The following SPMIP3 variants were observed in gnomAD, a reference collection of about 807,000 sequenced individuals.
SPMIP3 encodes protein SPMIP3.
At chr1:244,378,489 C>A in the SPMIP3 span, 3 of 1,613,326 alleles carry the variant, frequency 1.9e-6, no homozygotes, top group South Asian at 3.3e-5. Flanking sequence ...CTTGACAATT[C>A]CACCCAAGAC....
At chr1:244,366,706 C>G in the SPMIP3 span, among the ~76,000 whole-genome samples, 2 of 152,014 alleles carry the variant, frequency 1.3e-5, no homozygotes, top group East Asian at 1.9e-4. Flanking sequence ...ATGGTGAAAC[C>G]CTGTCTCTAC....
At chr1:244,379,196 A>G in the SPMIP3 span, among the ~76,000 whole-genome samples, 5 of 149,338 alleles carry the variant, frequency 3.3e-5, no homozygotes, top group African/African-American at 7.4e-5. Flanking sequence ...CCAAAGTGCT[A>G]GGATTACAGG....
the SPMIP3 span, chr1:244,364,663 C>T: frequency 1.9e-6 from 3 of 1,588,382 alleles, no homozygotes; most frequent in Non-Finnish European, 2.6e-6. Context: ...GCAATATAAT[C>T]CTTTATGCCA....
the SPMIP3 span, among the ~76,000 whole-genome samples, chr1:244,352,965 TAG>T: frequency 6.6e-6 from 1 of 152,228 alleles, no homozygotes. Flanking sequence ...TTTTTTTTCT[TAG>T]AAACGGGTAC....
At chr1:244,383,984 C>A in the SPMIP3 span, among the ~76,000 whole-genome samples, 1 of 152,062 alleles carries the variant, frequency 6.6e-6, no homozygotes, top group South Asian at 2.1e-4. Context: ...GTACACTGCT[C>A]GGGTGATGGA....
At chr1:244,353,014 C>G in the SPMIP3 span, among the ~76,000 whole-genome samples, 1 of 152,078 alleles carries the variant, frequency 6.6e-6, no homozygotes, top group Non-Finnish European at 1.5e-5. Context: ...CTCTGTGATA[C>G]AAGAAGACCT....
At chr1:244,374,554 CAG>C in the SPMIP3 span, among the ~76,000 whole-genome samples, 11 of 149,124 alleles carry the variant, frequency 7.4e-5, no homozygotes, top group Middle Eastern at 3.3e-3. Flanking sequence ...TTTTTTCAGA[CAG>C]AGCCCTCCGT....
chr1:244,388,878 C>T, the SPMIP3 span: 7 of 1,210,318 alleles, frequency 5.8e-6, no homozygotes, highest in Middle Eastern at 1.9e-4. Flanking sequence ...TGCACAACTG[C>T]TAAAAGGACA....
chr1:244,363,017 TG>T, the SPMIP3 span, among the ~76,000 whole-genome samples: 1,300 of 145,242 alleles, frequency 9.0e-3, 28 homozygotes, highest in African/African-American at 0.021. Flanking sequence ...CTTTTTTTTT[TG>T]TTGTTGTATT....
chr1:244,381,184 G>A, the SPMIP3 span, among the ~76,000 whole-genome samples: 1 of 151,834 alleles, frequency 6.6e-6, no homozygotes, highest in Non-Finnish European at 1.5e-5. Context: ...GAAGTTGCTG[G>A]GGGCTGAGGA....
chr1:244,359,626 G>A, the SPMIP3 span, among the ~76,000 whole-genome samples: 1 of 152,094 alleles, frequency 6.6e-6, no homozygotes, highest in African/African-American at 2.4e-5. Flanking sequence ...GGGAGGCTGA[G>A]GCAGGAGAAT....
At chr1:244,381,055 G>A in the SPMIP3 span, among the ~76,000 whole-genome samples, 2,777 of 152,148 alleles carry the variant, frequency 0.018, 87 homozygotes, top group African/African-American at 0.062. Flanking sequence ...TGCTGGGAGG[G>A]CGTGCAGAGT....
At chr1:244,364,853 A>G in the SPMIP3 span, 1 of 1,271,920 alleles carries the variant, frequency 7.9e-7, no homozygotes, top group Non-Finnish European at 1.1e-6. Context: ...AGTGGTCCAG[A>G]GACTACTGCC....
chr1:244,355,258 C>A, the SPMIP3 span, among the ~76,000 whole-genome samples: 2 of 152,192 alleles, frequency 1.3e-5, no homozygotes, highest in Admixed American at 1.3e-4. Context: ...TGTGAAAGGT[C>A]AGGTGGATGG....
chr1:244,381,830 C>T, the SPMIP3 span, among the ~76,000 whole-genome samples: 2 of 152,206 alleles, frequency 1.3e-5, no homozygotes, highest in African/African-American at 2.4e-5. Flanking sequence ...ACCTGGGAGG[C>T]TGAGGCAGGA....
chr1:244,374,903 C>T, the SPMIP3 span, among the ~76,000 whole-genome samples: 1 of 151,970 alleles, frequency 6.6e-6, no homozygotes, highest in African/African-American at 2.4e-5. Flanking sequence ...CAGCCCGATT[C>T]CCACATTTCA....
the SPMIP3 span, among the ~76,000 whole-genome samples, chr1:244,373,332 T>TATATATATATATATATATATATATATA: frequency 5.9e-5 from 5 of 85,196 alleles, no homozygotes; most frequent in Admixed American, 1.1e-4. Context: ...CAAAAAAAAA[T>TATATATATATATATATATATATATATA]TATATATATA....
chr1:244,363,487 C>G, the SPMIP3 span, among the ~76,000 whole-genome samples: 1 of 152,026 alleles, frequency 6.6e-6, no homozygotes, highest in African/African-American at 2.4e-5. Flanking sequence ...CAGTGGGGAA[C>G]AGAAAGGGGG....
At chr1:244,372,110 T>A in the SPMIP3 span, among the ~76,000 whole-genome samples, 1 of 152,186 alleles carries the variant, frequency 6.6e-6, no homozygotes, top group Non-Finnish European at 1.5e-5. Flanking sequence ...TCTGTCCATG[T>A]CTTGGCCCCT....
Sources: gnomAD v4.1 joint callset for allele counts (sites outside exome capture counted in the v4.1 genomes callset) on GRCh38, gnomAD v4.1.1 for gene constraint, MANE v1.5 for transcripts, NCBI Gene and HGNC (gene_info 2026-07-23, HGNC 2026-07-21) for gene names.